The following TM4SF5 variants were observed in gnomAD, a reference collection of about 807,000 sequenced individuals.
TM4SF5 encodes the protein transmembrane 4 L6 family member 5.
TM4SF5 carries 16 observed loss-of-function variants against 22.3 expected under a neutral mutation model. The ratio of observed to expected loss-of-function variants is 0.72; its 90% CI spans 0.49 to 1.09. The LOEUF is 1.09. Among genes scored for constraint, TM4SF5 ranks in the 50% least tolerant of loss-of-function variants. The pLI is 0.00. For synonymous variants in TM4SF5, 113 were observed against 109.6 expected (o/e 1.03, Z -0.19); for missense variants, 249 against 266.1 (o/e 0.94, Z 0.45).
chr17:4,777,421 A>G (rs1037463113), intron 1 of TM4SF5, among the ~76,000 whole-genome samples: 2 of 152,204 alleles, frequency 1.3e-5, no homozygotes, highest in Admixed American at 1.3e-4. Flanking sequence ...AAAGGGAAGC[A>G]AACACTTTAA....
chr17:4,772,507 G>GT, intron 1 of TM4SF5, among the ~76,000 whole-genome samples: 2 of 152,048 alleles, frequency 1.3e-5, no homozygotes, highest in African/African-American at 4.8e-5. Context: ...CAGAGCCAGG[G>GT]ACTGCCCTCA....
chr17:4,780,181 G>A (rs1384746510), intron 1 of TM4SF5, among the ~76,000 whole-genome samples: 7 of 149,246 alleles, frequency 4.7e-5, no homozygotes, highest in Admixed American at 1.4e-4. Context: ...TCAGCCCCCC[G>A]AGTAGCTGAG....
intron 2 of TM4SF5, among the ~76,000 whole-genome samples, 183 bp downstream of exon 2, chr17:4,781,052 C>A (rs1205510255): frequency 6.7e-6 from 1 of 149,962 alleles, no homozygotes; most frequent in Non-Finnish European, 1.5e-5. Flanking sequence ...TGGTGGCAAG[C>A]ACCTGCAATC....
At chr17:4,780,902 G>A in intron 2 of TM4SF5, 33 bp downstream of exon 2, 2 of 1,590,744 alleles carry the variant, frequency 1.3e-6, no homozygotes, top group Non-Finnish European at 1.7e-6. Flanking sequence ...ATTCAGGGCT[G>A]GGGGTGGTGT....
In TM4SF5 at chr17:4,783,185, C is replaced by A; in HGVS notation, c.*57C>A. 1.1e-6 allele frequency: 1 copy of A among 888,470 alleles called. No individual in the cohort carries two copies. The highest frequency in any genetic ancestry group is 2.7e-5 in the South Asian group (1 of 37,652). 55.0% of individuals were successfully genotyped at this position (888,470 alleles called of 1,614,324 possible). A position where few individuals can be genotyped will look rare whatever the true frequency, so the allele number is the denominator to read the frequency against. ...CTTCCTGGACGCTCACTCCCTTGCT[C>A]GCTAGAATAAACTGCTTTGCGCTCT... On this transcript the variant is annotated 3_prime_UTR_variant, in exon 5 of 5. Coordinates refer to ENST00000270560, the MANE Select transcript of TM4SF5 (RefSeq NM_003963.3).
At chr17:4,781,145 A>T (rs1281556959) in intron 2 of TM4SF5, among the ~76,000 whole-genome samples, 567 of 44,738 alleles carry the variant, frequency 0.013, 4 homozygotes, top group African/African-American at 0.038. Flanking sequence ...TAAAAAAAAA[A>T]AAAAAAAAAA....
chr17:4,782,082 G>A (rs1455103480), intron 2 of TM4SF5, among the ~76,000 whole-genome samples: 1 of 130,338 alleles, frequency 7.7e-6, no homozygotes, highest in African/African-American at 3.0e-5. Flanking sequence ...AACAGAGTCC[G>A]AATTTCTAAT....
chr17:4,772,746 C>G (rs1917137797), intron 1 of TM4SF5, among the ~76,000 whole-genome samples: 1 of 148,262 alleles, frequency 6.7e-6, no homozygotes, highest in Non-Finnish European at 1.5e-5. Flanking sequence ...GACAGGGTCT[C>G]TCTCTGTTGC....
chr17:4,774,940 G>A (rs1267260113), intron 1 of TM4SF5, among the ~76,000 whole-genome samples: 1 of 152,126 alleles, frequency 6.6e-6, no homozygotes, highest in African/African-American at 2.4e-5. Flanking sequence ...ATGAAATGGT[G>A]CTGGCATGAA....
chr17:4,774,626 G>A lies in TM4SF5; in HGVS notation c.177+2527G>A, dbSNP rs1195502708. On this transcript the variant is annotated intron_variant, in intron 1 of 4. Coordinates refer to ENST00000270560, the MANE Select transcript of TM4SF5 (RefSeq NM_003963.3). ...ATTTCAGATAGAAGTAGGTACCATC[G>A]GCCGGGCGCAGTGGCTCATGCCTGT... Among the ~76,000 whole-genome samples, 3 of 152,148 alleles carry A rather than the reference G, an allele frequency of 2.0e-5. No individual in the cohort carries two copies. The East Asian group carries it at 5.8e-4, about 29-fold the overall frequency.
At chr17:4,782,798 G>T (rs1917338571) in intron 3 of TM4SF5, 56 bp from the exon 4 acceptor site, 2 of 1,580,308 alleles carry the variant, frequency 1.3e-6, no homozygotes, top group African/African-American at 1.3e-5. Flanking sequence ...ATTCTTGGGG[G>T]CGGGGTGGCG....
intron 1 of TM4SF5, 75 bp downstream of exon 1, chr17:4,772,174 G>A: frequency 1.3e-6 from 2 of 1,562,738 alleles, no homozygotes; most frequent in Non-Finnish European, 1.8e-6. Context: ...GAGGGAGAGG[G>A]AGAGAGGAAT....
At chr17:4,777,267 G>C (rs1347772506) in intron 1 of TM4SF5, among the ~76,000 whole-genome samples, 1 of 152,050 alleles carries the variant, frequency 6.6e-6, no homozygotes, top group Non-Finnish European at 1.5e-5. Context: ...GATGAGAGTG[G>C]CTTGGACTAG....
chr17:4,778,918 G>A (rs1386223341), intron 1 of TM4SF5, among the ~76,000 whole-genome samples: 4 of 151,862 alleles, frequency 2.6e-5, no homozygotes, highest in Non-Finnish European at 5.9e-5. Context: ...TTAGCCCGGC[G>A]TGGTGGCATG....
Position 4,772,966 on chromosome 17 carries a change from G to A in TM4SF5, c.177+867G>A, listed in dbSNP as rs558738614. On this transcript the variant is annotated intron_variant, in intron 1 of 4. Transcript: ENST00000270560. ...GTCGCCCAGGCTGGAGTGCAGTGGCGCCATCTCCGTTCACTGCAACCTCTG... is the reference window on the plus strand; with the variant it reads ...GTCGCCCAGGCTGGAGTGCAGTGGCACCATCTCCGTTCACTGCAACCTCTG... Among the ~76,000 whole-genome samples, 26 of 152,026 alleles carry A rather than the reference G, an allele frequency of 1.7e-4. No homozygotes were observed. In the East Asian group the frequency reaches 4.2e-3, roughly 25 times the overall value.
In TM4SF5 at chr17:4,782,588, G is replaced by T; in HGVS notation, c.344G>T (p.Gly115Val). The T allele has an allele frequency of 6.2e-7, 1 of 1,614,092 alleles. No individual in the cohort carries two copies. The highest frequency in any genetic ancestry group is 8.5e-7 in the Non-Finnish European group (1 of 1,179,988). Reference protein sequence around the residue: ...LSVSGAGLRNGPRCLMNGEWG... With the variant: ...LSVSGAGLRNVPRCLMNGEWG... ...GTGTCTGGAGCTGGGCTCCGAAATG[G>T]ACCCAGATGCTTAATGAACGGCGAG... is the stretch of plus-strand genomic sequence containing the variant. Residue 115 changes from glycine to valine, a missense_variant, in exon 3 of 5, where the codon GGA becomes GTA. Physicochemically the swap from Gly to Val is moderately radical, Grantham distance 109. Coordinates refer to ENST00000270560, the MANE Select transcript of TM4SF5 (RefSeq NM_003963.3).
intron 3 of TM4SF5, 60 bp downstream of exon 3, chr17:4,782,699 C>A: frequency 4.4e-6 from 7 of 1,602,852 alleles, no homozygotes; most frequent in Non-Finnish European, 6.0e-6. Context: ...CGCCCTTCCC[C>A]CGTGGACTGG....
intron 2 of TM4SF5, among the ~76,000 whole-genome samples, chr17:4,781,668 C>T (rs1462096900): frequency 1.3e-5 from 2 of 151,718 alleles, no homozygotes; most frequent in Non-Finnish European, 2.9e-5. Flanking sequence ...AGGCGCCTGC[C>T]ACCACACCCA....
In TM4SF5 at chr17:4,782,945, G is replaced by T; in HGVS notation, c.487G>T (p.Val163Leu). Residue 163 changes from valine to leucine, a missense_variant, in exon 4 of 5, where the codon GTG becomes TTG. By Grantham distance (32) the Val-to-Leu change is conservative (BLOSUM62 1). Transcript: ENST00000270560. ...GAATGTGACGCTCTTCTCGCTGCTG[G>T]TGGCCGCCTCCTGCCTGGAGATAGT... ...PWNVTLFSLL[V>L]AASCLEIVLC... 6.2e-7 allele frequency: 1 copy of T among 1,614,248 alleles called. No individual in the cohort carries two copies.
Sources: allele counts gnomAD v4.1 joint callset (sites outside exome capture counted in the v4.1 genomes callset), GRCh38; gene constraint gnomAD v4.1.1; transcripts MANE v1.5; gene names NCBI Gene and HGNC (gene_info 2026-07-23, HGNC 2026-07-21).